TPRG1: variants seen among roughly 807,000 people sequenced by gnomAD.
TPRG1 encodes tumor protein p63-regulated gene 1 protein.
In TPRG1, 29 loss-of-function variants were observed where a neutral mutation model predicts 29.3. The ratio of observed to expected loss-of-function variants is 0.99; its 90% CI spans 0.74 to 1.35. TPRG1 has a LOEUF of 1.35. Among genes scored for constraint, TPRG1 ranks in the 40% most tolerant of loss-of-function variants. The pLI, the probability that TPRG1 is intolerant of heterozygous loss-of-function variation, is 0.00. For missense variants in TPRG1, 327 were observed against 335.0 expected (o/e 0.98, Z 0.19); for synonymous variants, 130 against 116.8 (o/e 1.11, Z -0.73).
Position 189,029,025 on chromosome 3 carries a change from T to TAA in TPRG1, c.-463+5092_-463+5093dup, listed in dbSNP as rs11431656. Among the ~76,000 whole-genome samples the TAA allele has an allele frequency of 4.4e-4, 58 of 131,804 alleles. 1 individual carries two copies. Among genetic ancestry groups the TAA allele is most frequent in the Admixed American group, 3.8e-4 (5 of 12,988 alleles). 86.5% of individuals were successfully genotyped at this position (131,804 alleles called of 152,430 possible). A position where few individuals can be genotyped will look rare whatever the true frequency, so the allele number is the denominator to read the frequency against. ...GATGGAATTGAGTAAGTGTTTTCAA[T>TAA]AAAAAAAAAAAAAAGTAATTTAGTA... is the stretch of plus-strand genomic sequence containing the variant. On this transcript the variant is annotated intron_variant, in intron 4 of 10. Coordinates refer to the TPRG1 transcript ENST00000433971.
chr3:189,201,277 A>T (rs143808557), intron 1 of TPRG1, among the ~76,000 whole-genome samples: 43 of 152,328 alleles, frequency 2.8e-4, no homozygotes, highest in African/African-American at 1.0e-3. Context: ...GTTCACAGAG[A>T]TAGCAATGGG....
At chr3:189,303,654 T>C (rs2109278859) in intron 4 of TPRG1, among the ~76,000 whole-genome samples, 1 of 152,328 alleles carries the variant, frequency 6.6e-6, no homozygotes, top group Middle Eastern at 3.4e-3. Flanking sequence ...AACTCATTCA[T>C]TCACCTTCAT....
intron 1 of TPRG1, among the ~76,000 whole-genome samples, chr3:189,190,392 A>T (rs550638699): frequency 6.6e-6 from 1 of 152,136 alleles, no homozygotes; most frequent in Non-Finnish European, 1.5e-5. Context: ...TCTGGGAAGA[A>T]TTGACACATC....
chr3:189,022,645 C>G (rs1044184844), intron 3 of TPRG1, among the ~76,000 whole-genome samples: 1 of 152,174 alleles, frequency 6.6e-6, no homozygotes, highest in African/African-American at 2.4e-5. Context: ...AGCTGTCAGA[C>G]AGGGACATTT....
chr3:189,272,102 T>C (rs961741308), intron 4 of TPRG1, among the ~76,000 whole-genome samples: 9 of 152,330 alleles, frequency 5.9e-5, no homozygotes, highest in Admixed American at 2.6e-4. Flanking sequence ...GAGTACAACT[T>C]AGTTCTTGAT....
intron 4 of TPRG1, among the ~76,000 whole-genome samples, chr3:189,271,772 T>C (rs1715172282): frequency 6.6e-6 from 1 of 152,194 alleles, no homozygotes; most frequent in African/African-American, 2.4e-5. Context: ...TCCTGATCTT[T>C]TGGGGAAAAG....
intron 4 of TPRG1, among the ~76,000 whole-genome samples, chr3:189,269,003 A>G (rs1714615387): frequency 6.6e-6 from 1 of 152,176 alleles, no homozygotes; most frequent in African/African-American, 2.4e-5. Flanking sequence ...ATTTTCCTCC[A>G]GAAAATGGGA....
At chr3:189,234,803 T>C (rs1016192768) in intron 3 of TPRG1, among the ~76,000 whole-genome samples, 18 of 152,298 alleles carry the variant, frequency 1.2e-4, no homozygotes, top group Admixed American at 1.0e-3. Context: ...TAGAAATAAC[T>C]ATACAATAGC....
chr3:189,080,732 G>A (rs1717535202), intron 4 of TPRG1, among the ~76,000 whole-genome samples: 1 of 151,898 alleles, frequency 6.6e-6, no homozygotes, highest in African/African-American at 2.4e-5. Context: ...GGAGGTATGA[G>A]GTATATTGAT....
intron 2 of TPRG1, chr3:189,212,257 C>T (rs939332981): frequency 2.6e-5 from 4 of 152,024 alleles, no homozygotes; most frequent in Admixed American, 6.6e-5. Context: ...TTCCCCGTGG[C>T]GTTTTTATAG....
intron 3 of TPRG1, among the ~76,000 whole-genome samples, chr3:189,006,957 A>G (rs1406968122): frequency 6.6e-6 from 1 of 152,274 alleles, no homozygotes; most frequent in Middle Eastern, 3.4e-3. Flanking sequence ...AAGAAAACCT[A>G]GGCATTACCA....
At chr3:189,027,621 T>C (rs1713731339) in intron 4 of TPRG1, among the ~76,000 whole-genome samples, 1 of 152,140 alleles carries the variant, frequency 6.6e-6, no homozygotes, top group East Asian at 1.9e-4. Flanking sequence ...AAATTATGTT[T>C]TTATGTATCC....
At chr3:189,194,732 G>A (rs1473630811) in intron 1 of TPRG1, among the ~76,000 whole-genome samples, 1 of 152,156 alleles carries the variant, frequency 6.6e-6, no homozygotes, top group African/African-American at 2.4e-5. Context: ...GAGTCCCAGG[G>A]AATGAGATAC....
chr3:189,146,968 C>T (rs1330874432), intron 3 of TPRG1, among the ~76,000 whole-genome samples: 1 of 152,190 alleles, frequency 6.6e-6, no homozygotes, highest in Non-Finnish European at 1.5e-5. Flanking sequence ...CCTGCCTTAT[C>T]ATTTAATCTG....
chr3:189,278,911 T>G (rs936290988), intron 4 of TPRG1, among the ~76,000 whole-genome samples: 1 of 152,214 alleles, frequency 6.6e-6, no homozygotes, highest in Non-Finnish European at 1.5e-5. Context: ...CCCAAGTACT[T>G]ATGCTCATAT....
intron 4 of TPRG1, among the ~76,000 whole-genome samples, chr3:189,080,551 A>G (rs1472050348): frequency 6.6e-6 from 1 of 152,090 alleles, no homozygotes; most frequent in Non-Finnish European, 1.5e-5. Context: ...TGATACAGAG[A>G]GGAAAAGGGA....
chr3:189,048,366 C>T (rs1249177028), intron 4 of TPRG1, among the ~76,000 whole-genome samples: 1 of 152,132 alleles, frequency 6.6e-6, no homozygotes, highest in Non-Finnish European at 1.5e-5. Context: ...TGTTATCAAT[C>T]AGGCTTTTTG....
chr3:189,158,415 C>G (rs1048484678), intron 5 of TPRG1, among the ~76,000 whole-genome samples: 2 of 151,978 alleles, frequency 1.3e-5, no homozygotes, highest in African/African-American at 4.8e-5. Context: ...TCAAGTCTAG[C>G]CTGGCCAATA....
intron 4 of TPRG1, among the ~76,000 whole-genome samples, chr3:189,026,885 T>C (rs1168847183): frequency 6.6e-6 from 1 of 152,122 alleles, no homozygotes; most frequent in Non-Finnish European, 1.5e-5. Context: ...GGCGTGTTTG[T>C]TGAGAGCATT....
Sources: gnomAD v4.1 joint callset for allele counts (sites outside exome capture counted in the v4.1 genomes callset) on GRCh38, gnomAD v4.1.1 for gene constraint, MANE v1.5 for transcripts, NCBI Gene and HGNC (gene_info 2026-07-23, HGNC 2026-07-21) for gene names.